EFCAB5: variants seen among roughly 807,000 people sequenced by gnomAD.
The protein encoded by EFCAB5 is EF-hand calcium binding domain 5.
EFCAB5 carries 131 observed loss-of-function variants against 167.9 expected under a neutral mutation model. The ratio of observed to expected loss-of-function variants is 0.78; its 90% CI spans 0.68 to 0.90. The LOEUF is 0.90. Among genes scored for constraint, EFCAB5 ranks in the 40% least tolerant of loss-of-function variants. The probability of loss-of-function intolerance (pLI) is 0.00; values close to 1 mark genes in which losing one functional copy is unlikely to be tolerated. For synonymous variants in EFCAB5, 574 were observed against 602.8 expected (o/e 0.95, Z 0.70); for missense variants, 1,663 against 1,745.2 (o/e 0.95, Z 0.84).
chr17:30,077,207 C>T (rs1283672748), intron 14 of EFCAB5, among the ~76,000 whole-genome samples: 1 of 152,110 alleles, frequency 6.6e-6, no homozygotes, highest in Non-Finnish European at 1.5e-5. Context: ...GAGGCTGAGG[C>T]AGGAGAATCA....
chr17:30,049,349 A>G (rs376826620), intron 8 of EFCAB5, among the ~76,000 whole-genome samples: 1 of 152,074 alleles, frequency 6.6e-6, no homozygotes, highest in East Asian at 1.9e-4. Context: ...GCGTGGTGGC[A>G]TGCGCCTGTA....
chr17:29,997,063 T>C (rs1401640393), intron 6 of EFCAB5, among the ~76,000 whole-genome samples: 2 of 151,898 alleles, frequency 1.3e-5, no homozygotes, highest in African/African-American at 2.4e-5. Context: ...CTGGCCAACA[T>C]AGTGAAAGAC....
rs530816761 is a variant in EFCAB5 at position 29,971,011 on chromosome 17, G to T, written c.767+1644G>T. 6.0e-5 allele frequency among the ~76,000 whole-genome samples: 9 copies of T among 150,574 alleles called. No homozygotes were observed. The South Asian group carries it at 1.7e-3, about 28-fold the overall frequency. ...AATCACTTGAACCTGGGAGGCGGAGGCTGCAGTGAGCCGAGATGCACCACT... is the reference window on the plus strand; with the variant it reads ...AATCACTTGAACCTGGGAGGCGGAGTCTGCAGTGAGCCGAGATGCACCACT... On this transcript the variant is annotated intron_variant, in intron 4 of 22. Coordinates refer to ENST00000394835, the MANE Select transcript of EFCAB5 (RefSeq NM_198529.4).
chr17:30,003,109 G>A (rs1250896876), intron 7 of EFCAB5, among the ~76,000 whole-genome samples: 3 of 131,258 alleles, frequency 2.3e-5, no homozygotes, highest in African/African-American at 5.5e-5. Context: ...CGGGGGGGGG[G>A]TCTGATATTT....
At chr17:30,001,777 G>GT (rs2068666859) in intron 7 of EFCAB5, among the ~76,000 whole-genome samples, 1 of 152,116 alleles carries the variant, frequency 6.6e-6, no homozygotes, top group Non-Finnish European at 1.5e-5. Flanking sequence ...ATTTTTTTGT[G>GT]TAATAATAAT....
At chr17:30,101,196 CTA>C (rs1276691462) in intron 22 of EFCAB5, among the ~76,000 whole-genome samples, 3 of 152,150 alleles carry the variant, frequency 2.0e-5, no homozygotes, top group African/African-American at 4.8e-5. Context: ...ACGATATGAC[CTA>C]TGTTTTAAAA....
At chr17:30,099,375 C>T (rs2071349768) in intron 22 of EFCAB5, among the ~76,000 whole-genome samples, 1 of 151,954 alleles carries the variant, frequency 6.6e-6, no homozygotes, top group African/African-American at 2.4e-5. Context: ...TGCAGTGGGC[C>T]ATGATCGTGC....
Position 30,092,918 on chromosome 17 carries a change from A to G in EFCAB5, c.4303A>G (p.Ile1435Val). ...GCATGTGGAAGTTAATGTACAGCTT[A>G]TTGATGAATATATCAGAGGTAAATT... ...AKHVEVNVQL[I>V]DEYIRDHSRT... The change falls in exon 22 of 23, where the codon ATT (isoleucine) becomes GTT (valine). Residue 1435 changes from isoleucine to valine, a missense_variant. Transcript: ENST00000394835. 1.9e-6 allele frequency: 3 copies of G among 1,608,578 alleles called. No homozygotes were observed. Among genetic ancestry groups the G allele is most frequent in the Non-Finnish European group, 2.5e-6 (3 of 1,177,602 alleles).
At chr17:30,064,777 T>C (rs1204514179) in intron 14 of EFCAB5, among the ~76,000 whole-genome samples, 1 of 152,024 alleles carries the variant, frequency 6.6e-6, no homozygotes, top group East Asian at 1.9e-4. Context: ...TAGAGAAAAG[T>C]ATCATATAAG....
At chr17:30,009,409 C>A (rs1363844382) in intron 7 of EFCAB5, among the ~76,000 whole-genome samples, 1 of 108,650 alleles carries the variant, frequency 9.2e-6, no homozygotes, top group Non-Finnish European at 2.0e-5. Flanking sequence ...AAACCTCCAG[C>A]CCTAGGCAGC....
At chr17:29,944,420 A>G (rs997862339) in intron 3 of EFCAB5, among the ~76,000 whole-genome samples, 6 of 152,072 alleles carry the variant, frequency 3.9e-5, no homozygotes, top group Non-Finnish European at 8.8e-5. Flanking sequence ...TTCACCTTCT[A>G]TTAATGCTTT....
At chr17:30,096,677 A>ATATATATTTTTTTTTT (rs1193558323) in intron 22 of EFCAB5, among the ~76,000 whole-genome samples, 1 of 60,126 alleles carries the variant, frequency 1.7e-5, no homozygotes, top group African/African-American at 8.4e-5. Flanking sequence ...ATATATATAT[A>ATATATATTTTTTTTTT]TTTTTTTTTT....
chr17:29,960,715 G>A (rs572848408), intron 3 of EFCAB5, among the ~76,000 whole-genome samples: 70 of 152,168 alleles, frequency 4.6e-4, no homozygotes, highest in African/African-American at 1.6e-3. Context: ...TACTGATTAT[G>A]TATACTGCTG....
chr17:29,956,717 C>T (rs2067622522), intron 3 of EFCAB5, among the ~76,000 whole-genome samples: 2 of 152,120 alleles, frequency 1.3e-5, no homozygotes, highest in African/African-American at 2.4e-5. Flanking sequence ...TGAGTAACAA[C>T]AGATATAAAA....
intron 3 of EFCAB5, among the ~76,000 whole-genome samples, chr17:29,967,295 C>G (rs2067849787): frequency 6.6e-6 from 1 of 152,192 alleles, no homozygotes; most frequent in Non-Finnish European, 1.5e-5. Context: ...GGGGGAAGGA[C>G]AAGATGTGCA....
chr17:29,953,791 CAGA>C (rs1443884878), intron 3 of EFCAB5, among the ~76,000 whole-genome samples: 2 of 152,146 alleles, frequency 1.3e-5, no homozygotes, highest in East Asian at 1.9e-4. Flanking sequence ...TTGTAGAGCT[CAGA>C]AGAAGTCAGA....
At chr17:30,004,838 CG>C (rs1254500731) in intron 7 of EFCAB5, among the ~76,000 whole-genome samples, 1 of 143,070 alleles carries the variant, frequency 7.0e-6, no homozygotes, top group Admixed American at 7.2e-5. Flanking sequence ...GGTTTCACCA[CG>C]TTGGCCAGGC....
chr17:30,001,763 C>T (rs1410706269), intron 7 of EFCAB5, among the ~76,000 whole-genome samples: 1 of 152,190 alleles, frequency 6.6e-6, no homozygotes, highest in African/African-American at 2.4e-5. Context: ...ACAGTTAACA[C>T]TATATTTTTT....
At chr17:30,048,597 C>A (rs377372532) in intron 8 of EFCAB5, among the ~76,000 whole-genome samples, 15 of 151,712 alleles carry the variant, frequency 9.9e-5, no homozygotes, top group Admixed American at 9.8e-4. Context: ...TGGGTTCGAG[C>A]GATTCTCCTA....
Sources: gnomAD v4.1 joint callset for allele counts (sites outside exome capture counted in the v4.1 genomes callset) on GRCh38, gnomAD v4.1.1 for gene constraint, MANE v1.5 for transcripts, NCBI Gene and HGNC (gene_info 2026-07-23, HGNC 2026-07-21) for gene names.